CDYL: variants seen among roughly 807,000 people sequenced by gnomAD.
CDYL encodes the protein chromodomain Y-like protein.
A neutral mutation model predicts 47.3 loss-of-function variants in CDYL; 8 were observed. The observed-to-expected ratio is 0.17, with a 90% CI of 0.10 to 0.31. The LOEUF (loss-of-function observed/expected upper bound fraction) is 0.31. Among genes scored for constraint, CDYL ranks in the 10% least tolerant of loss-of-function variants. The probability of loss-of-function intolerance (pLI) is 1.00; values close to 1 mark genes in which losing one functional copy is unlikely to be tolerated. For missense variants in CDYL, 471 were observed against 701.4 expected (o/e 0.67, Z 3.71); for synonymous variants, 266 against 265.0 (o/e 1.00, Z -0.04).
chr6:4,930,479 G>A (rs1463042196), intron 2 of CDYL, among the ~76,000 whole-genome samples: 1 of 152,238 alleles, frequency 6.6e-6, no homozygotes, highest in Non-Finnish European at 1.5e-5. Context: ...TCGGTGGAAA[G>A]GCGGGTGGAC....
intron 1 of CDYL, among the ~76,000 whole-genome samples, chr6:4,796,279 A>G (rs775072579): frequency 6.6e-6 from 1 of 151,956 alleles, no homozygotes; most frequent in Non-Finnish European, 1.5e-5. Flanking sequence ...TAAAAGGCCA[A>G]AAAGTATAAA....
intron 1 of CDYL, among the ~76,000 whole-genome samples, chr6:4,834,843 C>A (rs551856894): frequency 6.6e-6 from 1 of 152,190 alleles, no homozygotes; most frequent in Admixed American, 6.5e-5. Context: ...ATCGCTGATA[C>A]CCTTTCTTCC....
At chr6:4,953,645 C>A (rs7776245) in intron 6 of CDYL, among the ~76,000 whole-genome samples, 39,720 of 152,172 alleles carry the variant, frequency 0.26, 7,728 homozygotes, top group African/African-American at 0.55. Flanking sequence ...GCCGAGGCTG[C>A]TCACAGGCTG....
In CDYL at chr6:4,791,565, C is replaced by T. The variant is rs147102963; in HGVS notation, c.24+14758C>T. On this transcript the variant is annotated intron_variant, in intron 1 of 6. Transcript: ENST00000397588. ...TTTGAACTGAGAGTTTGGCCTCTGA[C>T]GTCTTGGCTTGAACTAGCTGACATC... is the stretch of plus-strand genomic sequence containing the variant. Among the ~76,000 whole-genome samples the T allele has an allele frequency of 3.3e-5, 5 of 152,332 alleles. No homozygotes were observed. In the East Asian group the frequency reaches 5.8e-4, roughly 18 times the overall value.
chr6:4,892,485 C>A, intron 2 of CDYL, 106 bp downstream of exon 2: 2 of 1,183,324 alleles, frequency 1.7e-6, no homozygotes, highest in Non-Finnish European at 1.2e-6. Flanking sequence ...CTTCTCACGG[C>A]ATCTGCTGGA....
chr6:4,870,697 CT>C (rs976882368), intron 1 of CDYL, among the ~76,000 whole-genome samples: 1 of 152,164 alleles, frequency 6.6e-6, no homozygotes, highest in Non-Finnish European at 1.5e-5. Context: ...TTTCTTACAT[CT>C]TTTTTTCTCT....
chr6:4,840,835 G>A (rs1357653383), intron 1 of CDYL, among the ~76,000 whole-genome samples: 3 of 151,930 alleles, frequency 2.0e-5, no homozygotes, highest in East Asian at 1.9e-4. Context: ...ATTCATCAGC[G>A]ATTTTTTTGT....
intron 1 of CDYL, among the ~76,000 whole-genome samples, chr6:4,847,597 T>C (rs1760701561): frequency 6.6e-6 from 1 of 152,186 alleles, no homozygotes; most frequent in Non-Finnish European, 1.5e-5. Flanking sequence ...GAACTGAAGG[T>C]TCAGTGAATT....
At chr6:4,796,037 G>C (rs768819503) in intron 1 of CDYL, among the ~76,000 whole-genome samples, 41 of 152,102 alleles carry the variant, frequency 2.7e-4, no homozygotes, top group Non-Finnish European at 5.4e-4. Context: ...TAGGCTCACT[G>C]CAACCTCTGC....
At chr6:4,722,680 C>T (rs1757393963) in intron 2 of CDYL, among the ~76,000 whole-genome samples, 1 of 152,132 alleles carries the variant, frequency 6.6e-6, no homozygotes, top group Admixed American at 6.5e-5. Context: ...AGTTTGAGAC[C>T]AGCCTGACCA....
chr6:4,928,756 T>C (rs1757951421), intron 2 of CDYL: 1 of 152,228 alleles, frequency 6.6e-6, no homozygotes, highest in African/African-American at 2.4e-5. Context: ...TTATTTTTTC[T>C]CTTTCCTTGC....
chr6:4,882,333 A>T (rs1291778304), intron 1 of CDYL, among the ~76,000 whole-genome samples: 2 of 152,204 alleles, frequency 1.3e-5, no homozygotes, highest in Non-Finnish European at 2.9e-5. Flanking sequence ...CCAAATTGTT[A>T]TCCTAGTGAT....
At chr6:4,771,581 C>T (rs1320624559), upstream of CDYL, among the ~76,000 whole-genome samples, 1 of 152,216 alleles carries the variant, frequency 6.6e-6, no homozygotes, top group Admixed American at 6.5e-5. Flanking sequence ...CTCATTTACA[C>T]TTTGCTTTAG....
chr6:4,949,203 C>T (rs1758620786), intron 5 of CDYL, among the ~76,000 whole-genome samples: 1 of 152,226 alleles, frequency 6.6e-6, no homozygotes, highest in African/African-American at 2.4e-5. Flanking sequence ...GAGGATGGCA[C>T]GGTCTGACGC....
At chr6:4,952,217 G>A (rs749204916) in intron 5 of CDYL, 49 bp from the exon 6 acceptor site, 6 of 1,587,538 alleles carry the variant, frequency 3.8e-6, no homozygotes, top group Non-Finnish European at 4.3e-6. Context: ...GGTCTTCCCC[G>A]CCCGCCTCCC....
At chr6:4,733,545 A>T (rs1432593525) in intron 2 of CDYL, among the ~76,000 whole-genome samples, 2 of 152,110 alleles carry the variant, frequency 1.3e-5, no homozygotes, top group African/African-American at 4.8e-5. Context: ...ACTTTTTTCA[A>T]CCTCTGGCTC....
At chr6:4,819,162 C>CTCTGTG (rs1016051589) in intron 1 of CDYL, among the ~76,000 whole-genome samples, 79 of 111,978 alleles carry the variant, frequency 7.1e-4, no homozygotes, top group East Asian at 1.5e-3. Context: ...CTCTCTCTCT[C>CTCTGTG]TGTGTGTGTG....
At chr6:4,766,629 G>A (rs779057646) in intron 3 of CDYL, among the ~76,000 whole-genome samples, 1 of 152,124 alleles carries the variant, frequency 6.6e-6, no homozygotes, top group African/African-American at 2.4e-5. Context: ...AGAAATAATG[G>A]CATTCATACA....
chr6:4,947,774 G>A (rs1054955315), intron 5 of CDYL, among the ~76,000 whole-genome samples: 3 of 152,192 alleles, frequency 2.0e-5, no homozygotes, highest in Admixed American at 1.3e-4. Context: ...AAAGGAAGCA[G>A]GATTGGGCAG....
Sources: allele counts gnomAD v4.1 joint callset (sites outside exome capture counted in the v4.1 genomes callset), GRCh38; gene constraint gnomAD v4.1.1; transcripts MANE v1.5; gene names NCBI Gene and HGNC (gene_info 2026-07-23, HGNC 2026-07-21).